SIPA1L1: variants seen among roughly 807,000 people sequenced by gnomAD.
SIPA1L1 encodes the protein signal-induced proliferation-associated 1-like protein 1.
A neutral mutation model predicts 162.7 loss-of-function variants in SIPA1L1; 26 were observed. The ratio of observed to expected loss-of-function variants is 0.16; its 90% CI spans 0.12 to 0.22. The LOEUF (loss-of-function observed/expected upper bound fraction) is 0.22. Among genes scored for constraint, SIPA1L1 ranks in the 10% least tolerant of loss-of-function variants. SIPA1L1 has a pLI of 1.00. For missense variants in SIPA1L1, 1,874 were observed against 2,241.0 expected (o/e 0.84, Z 3.31); for synonymous variants, 829 against 837.4 (o/e 0.99, Z 0.17).
chr14:71,474,617 T>C (rs1567073005), intron 2 of SIPA1L1, among the ~76,000 whole-genome samples: 1 of 152,176 alleles, frequency 6.6e-6, no homozygotes, highest in East Asian at 1.9e-4. Context: ...TGGAGTAATC[T>C]CAGTTCAGCC....
intron 2 of SIPA1L1, among the ~76,000 whole-genome samples, chr14:71,331,119 G>T (rs1198208288): frequency 6.6e-6 from 1 of 152,070 alleles, no homozygotes; most frequent in Non-Finnish European, 1.5e-5. Flanking sequence ...TTGCATGTGG[G>T]TATCTTATTT....
intron 22 of SIPA1L1, 132 bp from the exon 23 acceptor site, chr14:71,738,109 T>G: frequency 1.9e-6 from 1 of 536,684 alleles, no homozygotes; most frequent in Non-Finnish European, 3.2e-6. Flanking sequence ...TGGGTCGCCA[T>G]ACTGAGTAAT....
At chr14:71,677,223 A>G (rs2045300754) in intron 12 of SIPA1L1, among the ~76,000 whole-genome samples, 1 of 152,228 alleles carries the variant, frequency 6.6e-6, no homozygotes, top group Non-Finnish European at 1.5e-5. Context: ...TCTGATGGCC[A>G]GTGATGATGA....
At chr14:71,692,809 C>T (rs1308468961) in intron 13 of SIPA1L1, among the ~76,000 whole-genome samples, 3 of 152,200 alleles carry the variant, frequency 2.0e-5, no homozygotes, top group Non-Finnish European at 4.4e-5. Flanking sequence ...GTTTCCATAA[C>T]GGCTTCCTCT....
intron 5 of SIPA1L1, chr14:71,598,152 C>G: frequency 1.1e-6 from 1 of 934,896 alleles, no homozygotes; most frequent in Non-Finnish European, 1.3e-6. Context: ...ACAGACAGGT[C>G]TGTGTGTGGT....
intron 2 of SIPA1L1, among the ~76,000 whole-genome samples, chr14:71,372,730 CACTT>C (rs1241713598): frequency 6.6e-6 from 1 of 152,070 alleles, no homozygotes; most frequent in Non-Finnish European, 1.5e-5. Context: ...TAGCCATAAA[CACTT>C]ACTTTTAAAC....
intron 4 of SIPA1L1, among the ~76,000 whole-genome samples, chr14:71,554,084 C>T (rs2056125750): frequency 6.6e-6 from 1 of 152,166 alleles, no homozygotes; most frequent in African/African-American, 2.4e-5. Flanking sequence ...CGACCTGTAG[C>T]ATCTTCTGTT....
intron 2 of SIPA1L1, among the ~76,000 whole-genome samples, chr14:71,340,785 A>C (rs893839875): frequency 6.6e-6 from 1 of 152,108 alleles, no homozygotes; most frequent in Non-Finnish European, 1.5e-5. Context: ...AAAAAATACA[A>C]AAAATTAGCC....
intron 12 of SIPA1L1, among the ~76,000 whole-genome samples, chr14:71,679,346 T>C (rs1026964281): frequency 2.0e-5 from 3 of 152,106 alleles, no homozygotes; most frequent in Non-Finnish European, 4.4e-5. Flanking sequence ...GCTTCATAAG[T>C]GAAGGAGAAA....
intron 3 of SIPA1L1, among the ~76,000 whole-genome samples, chr14:71,514,484 T>G (rs1463226133): frequency 1.3e-5 from 2 of 152,214 alleles, no homozygotes; most frequent in African/African-American, 2.4e-5. Context: ...AAGCTGCTGA[T>G]CACCAGTTTC....
At chr14:71,493,962 T>C (rs1322130740) in intron 2 of SIPA1L1, among the ~76,000 whole-genome samples, 1 of 152,258 alleles carries the variant, frequency 6.6e-6, no homozygotes, top group South Asian at 2.1e-4. Flanking sequence ...GTCTTTACCA[T>C]GCAATAGCAC....
chr14:71,374,694 GT>G (rs35302982), intron 2 of SIPA1L1, among the ~76,000 whole-genome samples: 52 of 139,186 alleles, frequency 3.7e-4, no homozygotes, highest in African/African-American at 4.5e-4. Flanking sequence ...CGTTTTGAAA[GT>G]TTTTTTTTTT....
intron 2 of SIPA1L1, among the ~76,000 whole-genome samples, chr14:71,451,001 T>G (rs2045777862): frequency 6.6e-6 from 1 of 152,174 alleles, no homozygotes; most frequent in Admixed American, 6.5e-5. Context: ...GGAATCAATC[T>G]AAGTGTCTAA....
At chr14:71,345,662 C>T (rs981367406) in intron 2 of SIPA1L1, among the ~76,000 whole-genome samples, 1 of 150,350 alleles carries the variant, frequency 6.7e-6, no homozygotes, top group African/African-American at 2.5e-5. Flanking sequence ...CAAGCTCTGC[C>T]TCCCGAGTTC....
At chr14:71,502,716 T>C (rs149747980) in intron 2 of SIPA1L1, among the ~76,000 whole-genome samples, 3 of 152,290 alleles carry the variant, frequency 2.0e-5, no homozygotes, top group African/African-American at 7.2e-5. Flanking sequence ...TTCACCTACA[T>C]TAGTGCAAAT....
intron 2 of SIPA1L1, among the ~76,000 whole-genome samples, chr14:71,456,335 A>G (rs969060462): frequency 1.3e-5 from 2 of 152,266 alleles, no homozygotes; most frequent in African/African-American, 4.8e-5. Context: ...AAAGCTTGCA[A>G]TAAATGTAAG....
intron 5 of SIPA1L1, chr14:71,598,343 A>C (rs1328686012): frequency 2.2e-6 from 1 of 452,990 alleles, no homozygotes; most frequent in Non-Finnish European, 2.9e-6. Flanking sequence ...TATCTCCCTT[A>C]AGACATTCGT....
chr14:71,643,694 C>T (rs1165157832), intron 7 of SIPA1L1, among the ~76,000 whole-genome samples: 2 of 152,170 alleles, frequency 1.3e-5, no homozygotes, highest in African/African-American at 4.8e-5. Flanking sequence ...GAAAATCTGT[C>T]CTCACAGAGT....
At position 71,688,776 on chromosome 14, in the gene SIPA1L1, G is replaced by T. The variant is rs923119719; in HGVS notation, c.3374+3145G>T. 7.9e-5 allele frequency among the ~76,000 whole-genome samples: 12 copies of T among 152,098 alleles called. No homozygotes were observed. The East Asian group carries it at 2.3e-3, about 29-fold the overall frequency. ...CATAAATCATGAAAATAAATGACAG[G>T]GTCTGCCAGACCTTGAATCTTGCCT... On this transcript the variant is annotated intron_variant, in intron 13 of 23. Coordinates refer to ENST00000381232, the MANE Select transcript of SIPA1L1 (RefSeq NM_001386936.1).
Sources: allele counts gnomAD v4.1 joint callset (sites outside exome capture counted in the v4.1 genomes callset), GRCh38; gene constraint gnomAD v4.1.1; transcripts MANE v1.5; gene names NCBI Gene and HGNC (gene_info 2026-07-23, HGNC 2026-07-21).